PXK: variants seen among roughly 807,000 people sequenced by gnomAD.
PXK encodes PX domain-containing protein kinase-like protein.
PXK carries 35 observed loss-of-function variants against 84.7 expected under a neutral mutation model. That is an observed-to-expected ratio of 0.41 (90% CI 0.32 to 0.55). PXK has a LOEUF of 0.55. PXK is among the 20% of genes least tolerant of loss of function. The pLI is 0.21. For synonymous variants in PXK, 253 were observed against 260.8 expected, an observed-to-expected ratio of 0.97 and a Z score of 0.29; for missense variants, 634 against 699.7, an observed-to-expected ratio of 0.91 and a Z score of 1.06.
rs2061009765 is a variant in PXK at position 58,416,664 on chromosome 3, A to G, written c.1528+3701A>G. On this transcript the variant is annotated intron_variant, in intron 17 of 17. Transcript: ENST00000356151. This position sits in a 1 kb window ranked among gnomAD's most constrained non-coding sequence, Gnocchi z 4.8. ...GAGACAGAGTCTGGGTCTGTCACCC[A>G]GGCTGGAATACAGTCGTGAGATCTC... Among the ~76,000 whole-genome samples, 1 of 152,176 alleles carries G rather than the reference A, an allele frequency of 6.6e-6. No homozygotes were observed. Among genetic ancestry groups the G allele is most frequent in the Non-Finnish European group, 1.5e-5 (1 of 68,038 alleles).
rs2107616004 is a variant in PXK at position 58,412,171 on chromosome 3, A to G, written c.1466-730A>G. Among the ~76,000 whole-genome samples, 1 of 152,286 alleles carries G rather than the reference A, an allele frequency of 6.6e-6. No homozygotes were observed. Among genetic ancestry groups the G allele is most frequent in the African/African-American group, 2.4e-5 (1 of 41,560 alleles). ...GAGGGGGGTTTCTGTGTCCACAGAAAGGCTTACGTAGGAACCTCTGCTCAT... is the reference window on the plus strand; with the variant it reads ...GAGGGGGGTTTCTGTGTCCACAGAAGGGCTTACGTAGGAACCTCTGCTCAT... On this transcript the variant is annotated intron_variant, in intron 16 of 17. Coordinates refer to ENST00000356151, the MANE Select transcript of PXK (RefSeq NM_017771.5). The surrounding 1 kb of genome is among the most constrained non-coding windows in gnomAD (Gnocchi z 6.2).
At chr3:58,402,755 CTTTTT>C (rs34514925) in intron 12 of PXK, among the ~76,000 whole-genome samples, 1 of 130,400 alleles carries the variant, frequency 7.7e-6, no homozygotes, top group Non-Finnish European at 1.6e-5. Flanking sequence ...TAATAATATA[CTTTTT>C]TTTTTTTTTT....
rs1374628249 is a variant in PXK, at chr3:58,421,678, G to A, written c.1529-3074G>A. 9.1e-6 allele frequency: 9 copies of A among 988,116 alleles called. No individual in the cohort carries two copies. The highest frequency in any genetic ancestry group is 3.5e-5 in the African/African-American group (2 of 57,310). 61.2% of individuals were successfully genotyped at this position (988,116 alleles called of 1,614,324 possible). On this transcript the variant is annotated intron_variant, in intron 17 of 17. Coordinates refer to ENST00000356151, the MANE Select transcript of PXK (RefSeq NM_017771.5). This position sits in a 1 kb window ranked among gnomAD's most constrained non-coding sequence, Gnocchi z 5.5. ...GCATTCCTCCCTAGATCTGACCTAC[G>A]CTCTCCCTGCAGCATTCTCTGCCCT... is the stretch of plus-strand genomic sequence containing the variant.
intron 1 of PXK, among the ~76,000 whole-genome samples, chr3:58,341,984 G>A (rs60150613): frequency 0.046 from 6,973 of 152,048 alleles, 561 homozygotes; most frequent in African/African-American, 0.16. Flanking sequence ...GATTACAAGC[G>A]TGAGCCAACG....
rs146185475 is a variant in PXK at position 58,391,719 on chromosome 3, A to G, written c.541-54A>G. 6.2e-5 allele frequency: 91 copies of G among 1,473,822 alleles called. No homozygotes were observed. The East Asian group carries it at 1.9e-3, about 32-fold the overall frequency. The allele number at this position is 1,473,822 out of a possible 1,614,324, so 91.3% of individuals were successfully genotyped here. On this transcript the variant is annotated intron_variant, in intron 6 of 17. Coordinates refer to ENST00000356151, the MANE Select transcript of PXK (RefSeq NM_017771.5). ...ATAAAATTAAAGGGAAAGACAAGGA[A>G]TTTTTCTTTTGGTGACCAAAACAGT...
In PXK at chr3:58,412,523, C is replaced by T. The variant is rs1560121951; in HGVS notation, c.1466-378C>T. ...CTTTGGAAGCCCCCAGCAGGCTGCT[C>T]TGCACCTCTCTGTCTGCTGTACCAC... On this transcript the variant is annotated intron_variant, in intron 16 of 17. Coordinates refer to ENST00000356151, the MANE Select transcript of PXK (RefSeq NM_017771.5). The surrounding 1 kb of genome is among the most constrained non-coding windows in gnomAD (Gnocchi z 6.2). 1.3e-5 allele frequency among the ~76,000 whole-genome samples: 2 copies of T among 152,170 alleles called. No individual in the cohort carries two copies. The highest frequency in any genetic ancestry group is 2.9e-5 in the Non-Finnish European group (2 of 68,034).
At chr3:58,386,570 C>T (rs1166868946) in intron 4 of PXK, among the ~76,000 whole-genome samples, 3 of 152,166 alleles carry the variant, frequency 2.0e-5, no homozygotes, top group African/African-American at 7.2e-5. Context: ...GCTGGGATTA[C>T]AGGCATGAGC....
In PXK at chr3:58,390,209, G is replaced by A. The variant is rs547310992; in HGVS notation, c.389-373G>A. Among the ~76,000 whole-genome samples the A allele has an allele frequency of 6.6e-6, 1 of 151,898 alleles. No homozygotes were observed. The highest frequency in any genetic ancestry group is 6.6e-5 in the Admixed American group (1 of 15,252). ...CAAAAAACAAAACTAAACAAAAGAAGTTGCAATGATAGTACAGAAAATTGC... is the reference window on the plus strand; with the variant it reads ...CAAAAAACAAAACTAAACAAAAGAAATTGCAATGATAGTACAGAAAATTGC... On this transcript the variant is annotated intron_variant, in intron 4 of 17. Coordinates refer to ENST00000356151, the MANE Select transcript of PXK (RefSeq NM_017771.5). The surrounding 1 kb of genome is among the most constrained non-coding windows in gnomAD (Gnocchi z 4.2).
intron 1 of PXK, among the ~76,000 whole-genome samples, chr3:58,349,645 A>G (rs2097886006): frequency 6.6e-6 from 1 of 152,172 alleles, no homozygotes; most frequent in Non-Finnish European, 1.5e-5. Context: ...CATGAGCCAC[A>G]GCACCTGGCC....
At position 58,401,028 on chromosome 3, in the gene PXK, G is replaced by T. The variant is rs557541985; in HGVS notation, c.1181+1651G>T. Among the ~76,000 whole-genome samples, 1 of 152,312 alleles carries T rather than the reference G, an allele frequency of 6.6e-6. No individual in the cohort carries two copies. Among genetic ancestry groups the T allele is most frequent in the African/African-American group, 2.4e-5 (1 of 41,570 alleles). On this transcript the variant is annotated intron_variant, in intron 12 of 17. Transcript: ENST00000356151. This position sits in a 1 kb window ranked among gnomAD's most constrained non-coding sequence, Gnocchi z 4.4. ...TACTTAGGAAATAGCCTATATACAG[G>T]TTGATTTACTTGAGTTTGCATTTAC...
rs923481984 is a variant in PXK at position 58,364,806 on chromosome 3, A to C, written c.103-1068A>C. ...CCTGAGGAAGTGGTCCATTTCATCT[A>C]AGTTGTCAAATTGATATATGTAGAA... On this transcript the variant is annotated intron_variant, in intron 1 of 17. Transcript: ENST00000356151. The surrounding 1 kb of genome is among the most constrained non-coding windows in gnomAD (Gnocchi z 4.3). Among the ~76,000 whole-genome samples, 11 of 152,158 alleles carry C rather than the reference A, an allele frequency of 7.2e-5. 1 individual carries two copies. Among genetic ancestry groups the C allele is most frequent in the Non-Finnish European group, 2.9e-5 (2 of 68,038 alleles).
At chr3:58,340,510 TGAGGTCAGGA>T (rs1265710456) in intron 1 of PXK, among the ~76,000 whole-genome samples, 3 of 151,520 alleles carry the variant, frequency 2.0e-5, no homozygotes, top group African/African-American at 7.3e-5. Flanking sequence ...ATGGATCACC[TGAGGTCAGGA>T]GTTTGTGACC....
chr3:58,336,210 T>G (rs1398293758), intron 1 of PXK, among the ~76,000 whole-genome samples: 1 of 151,394 alleles, frequency 6.6e-6, no homozygotes, highest in Non-Finnish European at 1.5e-5. Context: ...TGCACCCAGC[T>G]GGGAAACCAC....
intron 2 of PXK, among the ~76,000 whole-genome samples, chr3:58,368,785 A>G (rs1341943065): frequency 6.6e-6 from 1 of 152,274 alleles, no homozygotes; most frequent in Non-Finnish European, 1.5e-5. Flanking sequence ...TTAAAGTCAA[A>G]CTATTCAAAC....
At chr3:58,424,096 G>T (rs1471873266) in intron 17 of PXK, among the ~76,000 whole-genome samples, 1 of 152,146 alleles carries the variant, frequency 6.6e-6, no homozygotes, top group East Asian at 1.9e-4. Context: ...TCTGCCCCCT[G>T]CTTTGCATTG....
intron 8 of PXK, among the ~76,000 whole-genome samples, chr3:58,395,425 G>A (rs2057497665): frequency 6.6e-6 from 1 of 152,198 alleles, no homozygotes; most frequent in Non-Finnish European, 1.5e-5. Flanking sequence ...CAAGACTTTG[G>A]GGTCTGCTAA....
chr3:58,396,845 G>T (rs1420836651), intron 9 of PXK, among the ~76,000 whole-genome samples, 194 bp from the exon 10 acceptor site: 1 of 152,194 alleles, frequency 6.6e-6, no homozygotes, highest in Non-Finnish European at 1.5e-5. Flanking sequence ...GCATCTCACA[G>T]CCTCAAAACT....
At chr3:58,369,338 G>A in intron 2 of PXK, 93 bp from the exon 3 acceptor site, 1 of 968,552 alleles carries the variant, frequency 1.0e-6, no homozygotes, top group Non-Finnish European at 1.6e-6. Context: ...GAGCTCTAGA[G>A]TGCCAATATT....
intron 1 of PXK, among the ~76,000 whole-genome samples, chr3:58,355,748 A>T (rs988854934): frequency 5.3e-5 from 8 of 152,352 alleles, no homozygotes; most frequent in Middle Eastern, 6.8e-3. Context: ...ACCCTCAGGT[A>T]AGAGTCAGTG....
Sources: allele counts gnomAD v4.1 joint callset (sites outside exome capture counted in the v4.1 genomes callset), GRCh38; gene constraint gnomAD v4.1.1; non-coding constraint Gnocchi (gnomAD v3.1); transcripts MANE v1.5; gene names NCBI Gene and HGNC (gene_info 2026-07-23, HGNC 2026-07-21).